BRWD3: variants seen among roughly 807,000 people sequenced by gnomAD.
BRWD3 encodes the protein bromodomain and WD repeat domain containing 3.
A neutral mutation model predicts 149.7 loss-of-function variants in BRWD3; 10 were observed. That is an observed-to-expected ratio of 0.07 (90% CI 0.04 to 0.11). The LOEUF (loss-of-function observed/expected upper bound fraction) is 0.11. Among genes scored for constraint, BRWD3 ranks in the 10% least tolerant of loss-of-function variants. The pLI is 1.00. For synonymous variants in BRWD3, 504 were observed against 456.7 expected, an observed-to-expected ratio of 1.10 and a Z score of -1.32; for missense variants, 940 against 1,373.2, an observed-to-expected ratio of 0.68 and a Z score of 4.99.
At position 80,809,514 on chromosome X, in the gene BRWD3, G is replaced by A; in HGVS notation, c.-43C>T. ...TTGGGGGCTTCGCTCCGGAGGGGCT[G>A]GCGGGGGCGGGTGGGGGCGCTGCCT... On this transcript the variant is annotated 5_prime_UTR_variant, in exon 1 of 41. Transcript: ENST00000373275. 1.5e-5 allele frequency: 14 copies of A among 911,984 alleles called. No homozygotes were observed. The highest frequency in any genetic ancestry group is 2.1e-5 in the Non-Finnish European group (14 of 656,749). 75.2% of individuals were successfully genotyped at this position (911,984 alleles called of 1,213,427 possible).
At chrX:80,689,739 A>G in intron 33 of BRWD3, 29 bp downstream of exon 33, 1 of 1,129,275 alleles carries the variant, frequency 8.9e-7, no homozygotes, top group Admixed American at 2.2e-5. Flanking sequence ...AAAGTAACTC[A>G]TTCCTACTAA....
intron 14 of BRWD3, among the ~76,000 whole-genome samples, chrX:80,725,987 A>G (rs73504605): frequency 2.0e-5 from 2 of 100,584 alleles, no homozygotes; most frequent in South Asian, 5.6e-4. Context: ...TTATATGTCT[A>G]TATAACATAA....
chrX:80,772,710 T>C (rs756496951), intron 6 of BRWD3, among the ~76,000 whole-genome samples: 1 of 111,711 alleles, frequency 9.0e-6, no homozygotes, highest in South Asian at 3.7e-4. Flanking sequence ...AACATTCAAT[T>C]ACCATATGAT....
intron 20 of BRWD3, among the ~76,000 whole-genome samples, chrX:80,712,774 T>C (rs1295695457): frequency 1.0e-5 from 1 of 98,138 alleles, no homozygotes; most frequent in Admixed American, 1.1e-4. Flanking sequence ...CCGTCTGGGA[T>C]GTGAGGAGCA....
intron 22 of BRWD3, among the ~76,000 whole-genome samples, chrX:80,706,786 G>A (rs1042662975): frequency 3.5e-5 from 4 of 112,923 alleles, no homozygotes; most frequent in Admixed American, 9.3e-5. Context: ...ACCCTGCTAC[G>A]CAGGAGGCTG....
At chrX:80,774,533 T>G (rs1438076490) in intron 6 of BRWD3, among the ~76,000 whole-genome samples, 2 of 111,206 alleles carry the variant, frequency 1.8e-5, no homozygotes, top group African/African-American at 6.6e-5. Context: ...CCAATCTTTA[T>G]CTGTAACCTC....
At position 80,722,984 on chromosome X, in the gene BRWD3, C is replaced by A. The variant is rs2073171564; in HGVS notation, c.1651-197G>T. On this transcript the variant is annotated intron_variant, in intron 16 of 40. Transcript: ENST00000373275. The stretch of plus-strand genomic sequence containing the variant: ...GGTAATTCTCTTTTCTCCACAAAAT[C>A]CTATAATCTGTATTAATTTTTAGAC... 2.7e-5 allele frequency among the ~76,000 whole-genome samples: 3 copies of A among 111,145 alleles called. No homozygotes were observed. In the South Asian group the frequency reaches 1.1e-3, roughly 42 times the overall value.
At chrX:80,690,284 G>A (rs2072593615) in intron 31 of BRWD3, among the ~76,000 whole-genome samples, 192 bp from the exon 32 acceptor site, 1 of 110,892 alleles carries the variant, frequency 9.0e-6, no homozygotes, top group Non-Finnish European at 1.9e-5. Flanking sequence ...AGCACAAGCA[G>A]GGATTCTGAA....
intron 10 of BRWD3, 150 bp from the exon 11 acceptor site, chrX:80,734,368 T>G (rs2073374425): frequency 2.2e-6 from 1 of 456,705 alleles, no homozygotes; most frequent in African/African-American, 2.5e-5. Context: ...TACTAGCGAT[T>G]TAGAGAAAAT....
At chrX:80,765,112 C>T (rs1446291197) in intron 6 of BRWD3, among the ~76,000 whole-genome samples, 1 of 111,656 alleles carries the variant, frequency 9.0e-6, no homozygotes, top group Non-Finnish European at 1.9e-5. Context: ...TAACCTTCTG[C>T]TCTGCTGGCC....
intron 8 of BRWD3, among the ~76,000 whole-genome samples, chrX:80,743,234 C>T (rs1258792825): frequency 8.9e-6 from 1 of 111,874 alleles, no homozygotes; most frequent in Admixed American, 9.5e-5. Context: ...CCGTGCATCC[C>T]AGGGATGAAG....
chrX:80,805,461 T>C (rs2074339951), intron 4 of BRWD3, among the ~76,000 whole-genome samples: 1 of 111,475 alleles, frequency 9.0e-6, no homozygotes, highest in Non-Finnish European at 1.9e-5. Context: ...CATTGTACAT[T>C]TGTACTCTTT....
intron 6 of BRWD3, among the ~76,000 whole-genome samples, chrX:80,746,463 C>T (rs751447885): frequency 1.8e-5 from 2 of 110,504 alleles, no homozygotes; most frequent in Non-Finnish European, 3.8e-5. Flanking sequence ...CATAAGTCTA[C>T]ACAATTCTTC....
intron 6 of BRWD3, among the ~76,000 whole-genome samples, chrX:80,768,385 G>A (rs1265729991): frequency 8.9e-6 from 1 of 111,775 alleles, no homozygotes; most frequent in Non-Finnish European, 1.9e-5. Context: ...GGATCTCTCA[G>A]CAAAAACTCT....
chrX:80,765,979 A>G (rs1175685312), intron 6 of BRWD3, among the ~76,000 whole-genome samples: 1 of 112,169 alleles, frequency 8.9e-6, no homozygotes, highest in Non-Finnish European at 1.9e-5. Flanking sequence ...CCAAGTTGAC[A>G]AAGGGTGAAT....
At position 80,789,444 on chromosome X, in the gene BRWD3, C is replaced by T. The variant is rs181214540; in HGVS notation, c.430+2410G>A. On this transcript the variant is annotated intron_variant, in intron 6 of 40. Coordinates refer to ENST00000373275, the MANE Select transcript of BRWD3 (RefSeq NM_153252.5). The stretch of plus-strand genomic sequence containing the variant: ...AGGCTGGAGTGCAGTGGCGCGATCT[C>T]GGTTCACTGCAAGCTCCGCCTCCCG... Among the ~76,000 whole-genome samples, 39 of 111,609 alleles carry T rather than the reference C, an allele frequency of 3.5e-4. 1 individual carries two copies. The East Asian group carries it at 0.011, about 32-fold the overall frequency.
chrX:80,751,551 A>T (rs1225855491), intron 6 of BRWD3, among the ~76,000 whole-genome samples: 1 of 112,062 alleles, frequency 8.9e-6, no homozygotes, highest in South Asian at 3.7e-4. Context: ...AGCAAAATAC[A>T]TTTTTTTAAA....
intron 36 of BRWD3, among the ~76,000 whole-genome samples, chrX:80,684,981 A>G (rs1367073681): frequency 9.0e-6 from 1 of 111,684 alleles, no homozygotes; most frequent in Non-Finnish European, 1.9e-5. Context: ...ATAAAAAGAG[A>G]GAAAATATTT....
At chrX:80,794,097 G>A (rs1176404501) in intron 4 of BRWD3, among the ~76,000 whole-genome samples, 2 of 111,701 alleles carry the variant, frequency 1.8e-5, no homozygotes, top group Admixed American at 1.9e-4. Flanking sequence ...AGAATCACTT[G>A]AACCCAGGAG....
Sources: gnomAD v4.1 joint callset for allele counts (sites outside exome capture counted in the v4.1 genomes callset) on GRCh38, gnomAD v4.1.1 for gene constraint, MANE v1.5 for transcripts, NCBI Gene and HGNC (gene_info 2026-07-23, HGNC 2026-07-21) for gene names.